Variants in CMIP observed in about 807,000 individuals in gnomAD.
CMIP encodes c-Maf inducing protein, also known as C-Maf-inducing protein.
Under a neutral mutation model 97.3 loss-of-function variants are expected in CMIP, and 13 were observed. The ratio of observed to expected loss-of-function variants is 0.13; its 90% CI spans 0.09 to 0.21. CMIP has a LOEUF of 0.21. CMIP is among the 10% of genes least tolerant of loss of function. The pLI is 1.00. For synonymous variants in CMIP, 538 were observed against 436.3 expected (o/e 1.23, Z -2.91); for missense variants, 847 against 1,024.9 (o/e 0.83, Z 2.37).
intron 1 of CMIP, among the ~76,000 whole-genome samples, chr16:81,466,764 G>C (rs770321159): frequency 2.6e-5 from 4 of 152,194 alleles, no homozygotes; most frequent in Non-Finnish European, 5.9e-5. Flanking sequence ...TTCCCTGGGA[G>C]ACTTGGGCTG....
intron 11 of CMIP, among the ~76,000 whole-genome samples, chr16:81,692,184 C>T (rs571336225): frequency 5.3e-5 from 8 of 152,300 alleles, no homozygotes; most frequent in Admixed American, 4.6e-4. Flanking sequence ...AGATGGGAAC[C>T]GTAATACCTG....
intron 1 of CMIP, among the ~76,000 whole-genome samples, chr16:81,512,984 T>C (rs2089842380): frequency 6.6e-6 from 1 of 152,152 alleles, no homozygotes; most frequent in Non-Finnish European, 1.5e-5. Flanking sequence ...CAATCCGCCC[T>C]CCTCAGCGTC....
At chr16:81,681,581 G>A (rs1904878801) in intron 10 of CMIP, among the ~76,000 whole-genome samples, 1 of 152,262 alleles carries the variant, frequency 6.6e-6, no homozygotes, top group Admixed American at 6.5e-5. Context: ...CCTGGCCAAT[G>A]GGAGTAGCCG....
chr16:81,591,627 G>C (rs551126186), intron 1 of CMIP, among the ~76,000 whole-genome samples: 5 of 152,256 alleles, frequency 3.3e-5, no homozygotes, highest in Admixed American at 3.3e-4. Context: ...AACAGGCAGA[G>C]CTAATCTGTA....
Position 81,480,816 on chromosome 16 carries a change from G to T in CMIP, c.300+35275G>T, listed in dbSNP as rs191049730. On this transcript the variant is annotated intron_variant, in intron 1 of 20. Transcript: ENST00000537098. ...AGTTTCCCCAACATTGTTGGGAAAG[G>T]ACGGGGGTGGTTTGCCTCACTTATC... Among the ~76,000 whole-genome samples the T allele has an allele frequency of 6.6e-5, 10 of 152,326 alleles. No homozygotes were observed. In the East Asian group the frequency reaches 1.9e-3, roughly 29 times the overall value.
In CMIP at chr16:81,544,403, A is replaced by G. The variant is rs548859861; in HGVS notation, c.301-63164A>G. 4.6e-5 allele frequency among the ~76,000 whole-genome samples: 7 copies of G among 151,276 alleles called. No homozygotes were observed. The South Asian group carries it at 1.5e-3, about 32-fold the overall frequency. On this transcript the variant is annotated intron_variant, in intron 1 of 20. Coordinates refer to ENST00000537098, the MANE Select transcript of CMIP (RefSeq NM_198390.3). ...TTATTTTGAAAGAATTACTGATAGG[A>G]CTCTGTCTCATCCTCAGGGGGTAAG...
At chr16:81,617,862 C>G (rs115739752) in intron 2 of CMIP, among the ~76,000 whole-genome samples, 1 of 152,248 alleles carries the variant, frequency 6.6e-6, no homozygotes, top group East Asian at 1.9e-4. Flanking sequence ...GTAGAGCATG[C>G]GTGGCCCCTT....
intron 10 of CMIP, among the ~76,000 whole-genome samples, chr16:81,683,780 G>A (rs1164193810): frequency 2.6e-4 from 2 of 7,660 alleles, no homozygotes; most frequent in Non-Finnish European, 6.1e-4. Context: ...TTTTTTTTTT[G>A]CGATGGAGTC....
chr16:81,539,458 T>C (rs2090407992), intron 1 of CMIP, among the ~76,000 whole-genome samples: 1 of 152,172 alleles, frequency 6.6e-6, no homozygotes, highest in African/African-American at 2.4e-5. Flanking sequence ...AATCATTGTT[T>C]TCTGCTGGGA....
At chr16:81,457,560 G>GT (rs1906628916) in intron 1 of CMIP, among the ~76,000 whole-genome samples, 1 of 152,194 alleles carries the variant, frequency 6.6e-6, no homozygotes, top group East Asian at 1.9e-4. Context: ...CCCCACAGTT[G>GT]TAACAACCCG....
At chr16:81,649,083 C>T (rs1159366751) in intron 3 of CMIP, among the ~76,000 whole-genome samples, 1 of 152,212 alleles carries the variant, frequency 6.6e-6, no homozygotes, top group African/African-American at 2.4e-5. Flanking sequence ...GTCTCAGGGT[C>T]CTCCCTATGA....
At chr16:81,459,417 G>A (rs1906771409) in intron 1 of CMIP, among the ~76,000 whole-genome samples, 1 of 152,090 alleles carries the variant, frequency 6.6e-6, no homozygotes, top group South Asian at 2.1e-4. Context: ...GTGACCTCAG[G>A]CACCATTATT....
intron 3 of CMIP, among the ~76,000 whole-genome samples, chr16:81,624,138 A>G (rs963341812): frequency 4.6e-5 from 7 of 152,028 alleles, no homozygotes; most frequent in Non-Finnish European, 1.0e-4. Context: ...TGAAAAAAAA[A>G]AAAAATCAGT....
At chr16:81,645,409 G>A in intron 3 of CMIP, 1 of 1,478,102 alleles carries the variant, frequency 6.8e-7, no homozygotes, top group Non-Finnish European at 9.0e-7. Flanking sequence ...CAGCAGAGCA[G>A]CAGCCCCTGC....
At chr16:81,657,704 A>C in intron 4 of CMIP, 71 bp from the exon 5 acceptor site, 2 of 1,284,694 alleles carry the variant, frequency 1.6e-6, no homozygotes, top group South Asian at 2.8e-5. Context: ...TGGATCTTGA[A>C]ATCCAAATGC....
In CMIP at chr16:81,621,042, A is replaced by C; in HGVS notation, c.477+116A>C. 1 of 1,320,908 alleles carries C rather than the reference A, an allele frequency of 7.6e-7. No individual in the cohort carries two copies. The highest frequency in any genetic ancestry group is 1.1e-6 in the Non-Finnish European group (1 of 946,244). The allele number at this position is 1,320,908 out of a possible 1,614,324, so 81.8% of individuals were successfully genotyped here. The stretch of plus-strand genomic sequence containing the variant: ...AGAACTCATGCCTTCCAGATGGCTC[A>C]GCTGAGGAACTTTGTTCCCCTACCT... On this transcript the variant is annotated intron_variant, in intron 3 of 20. Coordinates refer to ENST00000537098, the MANE Select transcript of CMIP (RefSeq NM_198390.3). The surrounding 1 kb of genome is among the most constrained non-coding windows in gnomAD (Gnocchi z 4.1).
intron 1 of CMIP, among the ~76,000 whole-genome samples, chr16:81,538,003 C>T (rs756607519): frequency 3.6e-4 from 55 of 152,234 alleles, no homozygotes; most frequent in Non-Finnish European, 5.6e-4. Flanking sequence ...TAACAATCAT[C>T]GTTTCCACTC....
intron 3 of CMIP, among the ~76,000 whole-genome samples, chr16:81,629,339 C>T (rs1398792666): frequency 2.6e-5 from 4 of 151,924 alleles, no homozygotes; most frequent in East Asian, 1.9e-4. Flanking sequence ...ACACACTGGT[C>T]GCTGTGTCCC....
rs10629229 is a variant in CMIP, at chr16:81,568,039, G to GTGTGTGTTTT, written c.301-39527_301-39526insGTGTGTTTTT. On this transcript the variant is annotated intron_variant, in intron 1 of 20. Transcript: ENST00000537098. ...TGAGCTTTTCAGTGTGTGTGTGTGT[G>GTGTGTGTTTT]TTTTTTTTTTTTTTTTTTTTTGAAG... Among the ~76,000 whole-genome samples the GTGTGTGTTTT allele has an allele frequency of 1.1e-3, 89 of 82,534 alleles. 1 individual carries two copies. Among genetic ancestry groups the GTGTGTGTTTT allele is most frequent in the Non-Finnish European group, 1.6e-3 (69 of 43,674 alleles). The allele number at this position is 82,534 out of a possible 152,430, so 54.1% of individuals were successfully genotyped here. A position where few individuals can be genotyped will look rare whatever the true frequency, so the allele number is the denominator to read the frequency against.
Sources: gnomAD v4.1 joint callset for allele counts (sites outside exome capture counted in the v4.1 genomes callset) on GRCh38, gnomAD v4.1.1 for gene constraint, Gnocchi (gnomAD v3.1) non-coding constraint, MANE v1.5 for transcripts, NCBI Gene and HGNC (gene_info 2026-07-23, HGNC 2026-07-21) for gene names.